Variants in MARCHF8 observed in about 807,000 individuals in gnomAD.
MARCHF8 encodes the protein membrane associated ring-CH-type finger 8.
Under a neutral mutation model 51.6 loss-of-function variants are expected in MARCHF8, and 40 were observed. That is an observed-to-expected ratio of 0.77 (90% CI 0.60 to 1.01). The LOEUF is 1.01. Ranked by LOEUF, MARCHF8 falls within the 50% of genes least tolerant of loss-of-function variation. The pLI, the probability that MARCHF8 is intolerant of heterozygous loss-of-function variation, is 0.00. For synonymous variants in MARCHF8, 263 were observed against 280.3 expected (o/e 0.94, Z 0.62); for missense variants, 685 against 708.6 (o/e 0.97, Z 0.38).
chr10:45,529,513 T>A (rs1019998483), intron 2 of MARCHF8, among the ~76,000 whole-genome samples: 1 of 152,004 alleles, frequency 6.6e-6, no homozygotes, highest in African/African-American at 2.4e-5. Context: ...AGCAAATAAA[T>A]AATCAACAGA....
intron 6 of MARCHF8, among the ~76,000 whole-genome samples, chr10:45,460,045 T>C (rs920842011): frequency 2.6e-5 from 4 of 152,172 alleles, no homozygotes; most frequent in African/African-American, 9.7e-5. Flanking sequence ...GAGATTAGCA[T>C]AGAGTAGGCA....
At chr10:45,590,358 T>TA (rs1473524699) in intron 1 of MARCHF8, among the ~76,000 whole-genome samples, 1 of 152,292 alleles carries the variant, frequency 6.6e-6, no homozygotes, top group Non-Finnish European at 1.5e-5. Flanking sequence ...TCTGGATACT[T>TA]ACTCTGGATA....
chr10:45,470,392 C>G lies in MARCHF8; in HGVS notation c.154-6065G>C, dbSNP rs1341915732. ...TGCATCTGCAGTCACATGACCCCTTCCCATCTTCAAAGCCCACTTGCGGTA... is the reference window on the plus strand; with the variant it reads ...TGCATCTGCAGTCACATGACCCCTTGCCATCTTCAAAGCCCACTTGCGGTA... On this transcript the variant is annotated intron_variant, in intron 3 of 7. Coordinates refer to ENST00000453424, the MANE Select transcript of MARCHF8 (RefSeq NM_001282866.2). 4.6e-5 allele frequency among the ~76,000 whole-genome samples: 7 copies of G among 152,210 alleles called. No individual in the cohort carries two copies. The East Asian group carries it at 5.8e-4, about 13-fold the overall frequency.
At chr10:45,464,216 C>T (rs779778652) in intron 4 of MARCHF8, 23 bp downstream of exon 4, 9 of 1,609,480 alleles carry the variant, frequency 5.6e-6, no homozygotes, top group Admixed American at 1.7e-5. Context: ...CTGATCATGG[C>T]AGCATCTGAA....
At chr10:45,469,944 G>A (rs1843113352) in intron 3 of MARCHF8, among the ~76,000 whole-genome samples, 1 of 148,946 alleles carries the variant, frequency 6.7e-6, no homozygotes, top group South Asian at 2.1e-4. Flanking sequence ...GTCACTGCCT[G>A]ACTGTATTTC....
At chr10:45,491,109 G>T (rs1366360743) in intron 2 of MARCHF8, among the ~76,000 whole-genome samples, 1 of 152,116 alleles carries the variant, frequency 6.6e-6, no homozygotes, top group Non-Finnish European at 1.5e-5. Context: ...ATGCTGCCCA[G>T]GCTCAACTCC....
At chr10:45,492,441 G>A (rs1199827288) in intron 2 of MARCHF8, among the ~76,000 whole-genome samples, 1 of 152,104 alleles carries the variant, frequency 6.6e-6, no homozygotes, top group Non-Finnish European at 1.5e-5. Context: ...GGGACTACAG[G>A]CGCCCACCAC....
chr10:45,558,347 G>A (rs1233312760), intron 1 of MARCHF8, among the ~76,000 whole-genome samples: 1 of 152,224 alleles, frequency 6.6e-6, no homozygotes, highest in Non-Finnish European at 1.5e-5. Flanking sequence ...ACCATGAGAA[G>A]AGAGTAGTGG....
chr10:45,472,507 G>A (rs985339269), intron 3 of MARCHF8, among the ~76,000 whole-genome samples: 2 of 152,098 alleles, frequency 1.3e-5, no homozygotes, highest in Non-Finnish European at 2.9e-5. Context: ...TTGTTTACAC[G>A]GGTTCCATCT....
chr10:45,549,415 C>T (rs1417701287), intron 1 of MARCHF8, among the ~76,000 whole-genome samples: 1 of 152,198 alleles, frequency 6.6e-6, no homozygotes, highest in Non-Finnish European at 1.5e-5. Flanking sequence ...CTTCGCTGGG[C>T]TCAGCAGGGA....
chr10:45,500,826 G>C (rs951054458), intron 2 of MARCHF8, among the ~76,000 whole-genome samples: 3 of 151,604 alleles, frequency 2.0e-5, no homozygotes, highest in Admixed American at 2.0e-4. Flanking sequence ...AAAGTCAGAG[G>C]ATACAAAATA....
chr10:45,508,437 C>CA (rs773182615), intron 2 of MARCHF8, among the ~76,000 whole-genome samples: 12 of 151,878 alleles, frequency 7.9e-5, no homozygotes, highest in Non-Finnish European at 1.8e-4. Context: ...TCAATGCTCT[C>CA]ACTGTCATGA....
At chr10:45,576,645 G>C (rs953888889) in intron 1 of MARCHF8, among the ~76,000 whole-genome samples, 1 of 151,928 alleles carries the variant, frequency 6.6e-6, no homozygotes, top group African/African-American at 2.4e-5. Context: ...ATCACGCCCT[G>C]GTGTCCTGGC....
intron 2 of MARCHF8, among the ~76,000 whole-genome samples, chr10:45,532,852 T>C (rs902861498): frequency 6.6e-6 from 1 of 152,220 alleles, no homozygotes; most frequent in African/African-American, 2.4e-5. Context: ...TTAGTCACAG[T>C]GATTAACCAA....
upstream of MARCHF8, among the ~76,000 whole-genome samples, chr10:45,536,769 G>A (rs376487027): frequency 1.2e-3 from 181 of 150,778 alleles, no homozygotes; most frequent in African/African-American, 4.1e-3. Flanking sequence ...GCTGAGGTGG[G>A]AGGACTGCTT....
At chr10:45,542,412 T>A in intron 1 of MARCHF8, among the ~76,000 whole-genome samples, 1 of 139,286 alleles carries the variant, frequency 7.2e-6, no homozygotes, top group East Asian at 2.2e-4. Context: ...TGACCTGAAC[T>A]AACAGGAAGC....
At chr10:45,465,155 G>A (rs1427281746) in intron 3 of MARCHF8, among the ~76,000 whole-genome samples, 1 of 152,086 alleles carries the variant, frequency 6.6e-6, no homozygotes, top group African/African-American at 2.4e-5. Flanking sequence ...CACCACCACC[G>A]CTAGAGGGCC....
At chr10:45,533,709 G>C (rs1391237655) in intron 1 of MARCHF8, among the ~76,000 whole-genome samples, 3 of 152,142 alleles carry the variant, frequency 2.0e-5, no homozygotes, top group Non-Finnish European at 2.9e-5. Flanking sequence ...TCAGAGGTTA[G>C]GAAGTCCAAA....
intron 6 of MARCHF8, among the ~76,000 whole-genome samples, chr10:45,460,774 C>T (rs1842759746): frequency 6.6e-6 from 1 of 152,160 alleles, no homozygotes; most frequent in Admixed American, 6.5e-5. Flanking sequence ...TCCCTATCCA[C>T]CTACTCACAC....
Sources: gnomAD v4.1 joint callset for allele counts (sites outside exome capture counted in the v4.1 genomes callset) on GRCh38, gnomAD v4.1.1 for gene constraint, MANE v1.5 for transcripts, NCBI Gene and HGNC (gene_info 2026-07-23, HGNC 2026-07-21) for gene names.